NRG1: variants seen among roughly 807,000 people sequenced by gnomAD.
The protein encoded by NRG1 is pro-neuregulin-1, membrane-bound isoform.
Under a neutral mutation model 63.8 loss-of-function variants are expected in NRG1, and 18 were observed. That is an observed-to-expected ratio of 0.28 (90% CI 0.19 to 0.42). NRG1 has a LOEUF of 0.42. Ranked by LOEUF, NRG1 falls within the 10% of genes least tolerant of loss-of-function variation. The pLI, the probability that NRG1 is intolerant of heterozygous loss-of-function variation, is 1.00. For synonymous variants in NRG1, 302 were observed against 301.3 expected, an observed-to-expected ratio of 1.00 and a Z score of -0.02; for missense variants, 762 against 814.7, an observed-to-expected ratio of 0.94 and a Z score of 0.79.
chr8:32,360,828 T>A (rs1004526589), intron 1 of NRG1, among the ~76,000 whole-genome samples: 1 of 152,172 alleles, frequency 6.6e-6, no homozygotes, highest in Non-Finnish European at 1.5e-5. Flanking sequence ...ATGCTCAACC[T>A]TCCTCCAATT....
intron 2 of NRG1, among the ~76,000 whole-genome samples, chr8:32,601,453 T>C (rs919372025): frequency 6.6e-6 from 1 of 152,170 alleles, no homozygotes; most frequent in African/African-American, 2.4e-5. Context: ...ACCCTATACA[T>C]TTTTGAATGC....
At chr8:32,053,376 C>T (rs1563730058) in intron 1 of NRG1, among the ~76,000 whole-genome samples, 1 of 152,056 alleles carries the variant, frequency 6.6e-6, no homozygotes, top group Non-Finnish European at 1.5e-5. Flanking sequence ...CACTAGTAGC[C>T]ATGGATTGAG....
At chr8:32,077,273 A>C (rs1156527471) in intron 1 of NRG1, among the ~76,000 whole-genome samples, 1 of 152,206 alleles carries the variant, frequency 6.6e-6, no homozygotes, top group Non-Finnish European at 1.5e-5. Context: ...ATACTGAGGC[A>C]GGAGAATCGC....
At chr8:32,157,227 T>A (rs1026496957) in intron 1 of NRG1, among the ~76,000 whole-genome samples, 2 of 149,098 alleles carry the variant, frequency 1.3e-5, no homozygotes, top group Non-Finnish European at 1.5e-5. Context: ...AAAATTAGCG[T>A]GCTGGCATGC....
chr8:31,781,956 C>A (rs1003507656), intron 1 of NRG1, among the ~76,000 whole-genome samples: 2 of 152,140 alleles, frequency 1.3e-5, no homozygotes, highest in Non-Finnish European at 2.9e-5. Context: ...AGAGAGTGGG[C>A]ACTTCTCCCC....
intron 1 of NRG1, among the ~76,000 whole-genome samples, chr8:32,399,601 A>AG (rs1253231592): frequency 6.6e-6 from 1 of 152,192 alleles, no homozygotes; most frequent in East Asian, 1.9e-4. Context: ...GCTACTTGGG[A>AG]GGCTGAGGTA....
At chr8:31,735,871 G>A (rs1021325561) in intron 1 of NRG1, among the ~76,000 whole-genome samples, 3 of 152,190 alleles carry the variant, frequency 2.0e-5, no homozygotes, top group East Asian at 3.9e-4. Flanking sequence ...GAAATTCTCT[G>A]CATGTATCTA....
At chr8:32,204,147 T>G (rs1843778319) in intron 1 of NRG1, among the ~76,000 whole-genome samples, 1 of 152,168 alleles carries the variant, frequency 6.6e-6, no homozygotes. Context: ...TAGTTTGGTA[T>G]GGCTACAGCT....
chr8:31,921,823 G>T (rs536719874), intron 1 of NRG1, among the ~76,000 whole-genome samples: 223 of 152,270 alleles, frequency 1.5e-3, no homozygotes, highest in Non-Finnish European at 2.8e-3. Context: ...GATGTTGATA[G>T]ATCAATTTCC....
chr8:31,993,702 C>T (rs572063342), intron 1 of NRG1, among the ~76,000 whole-genome samples: 2 of 152,124 alleles, frequency 1.3e-5, no homozygotes, highest in East Asian at 3.9e-4. Context: ...TCTTTATCAG[C>T]AGCATGAGAA....
intron 1 of NRG1, among the ~76,000 whole-genome samples, chr8:32,206,526 T>A (rs1182836809): frequency 1.3e-5 from 2 of 152,236 alleles, no homozygotes; most frequent in Non-Finnish European, 2.9e-5. Context: ...TGAAGTTTTC[T>A]TATTTAATCT....
rs958820944 is a variant in NRG1 at position 32,165,374 on chromosome 8, C to T, written c.38-430454C>T. On this transcript the variant is annotated intron_variant, in intron 1 of 10. Coordinates refer to the NRG1 transcript ENST00000519301. ...TACCAGGCTGGTGTCAAACTGCTGG[C>T]CTTTAGTGATCCTCCCATTTTGCCC... Among the ~76,000 whole-genome samples the T allele has an allele frequency of 7.2e-5, 11 of 152,150 alleles. No homozygotes were observed. In the South Asian group the frequency reaches 8.3e-4, roughly 11 times the overall value.
chr8:32,762,317 A>C (rs1017819208), intron 11 of NRG1, among the ~76,000 whole-genome samples: 2 of 152,202 alleles, frequency 1.3e-5, no homozygotes, highest in Non-Finnish European at 2.9e-5. Context: ...ATTCTTCATC[A>C]CTACAAGTGA....
intron 1 of NRG1, among the ~76,000 whole-genome samples, chr8:32,335,269 C>T (rs1803123138): frequency 6.6e-6 from 1 of 152,178 alleles, no homozygotes; most frequent in Admixed American, 6.5e-5. Flanking sequence ...CTACATGGTG[C>T]ATGCGAATTT....
intron 1 of NRG1, among the ~76,000 whole-genome samples, chr8:31,860,851 C>A (rs16878368): frequency 0.12 from 18,542 of 152,150 alleles, 1,290 homozygotes; most frequent in Admixed American, 0.19. Context: ...TTCTCAAAAA[C>A]TTTCAAAACC....
chr8:32,253,438 A>G (rs1310136703), intron 1 of NRG1, among the ~76,000 whole-genome samples: 3 of 152,156 alleles, frequency 2.0e-5, no homozygotes, highest in Non-Finnish European at 4.4e-5. Context: ...TTCTGCATCT[A>G]TTGAGACAAT....
At chr8:32,310,592 G>C (rs1856705342) in intron 1 of NRG1, among the ~76,000 whole-genome samples, 1 of 152,152 alleles carries the variant, frequency 6.6e-6, no homozygotes, top group Non-Finnish European at 1.5e-5. Context: ...CTCATGTCTG[G>C]TGACTGGTTT....
At chr8:31,755,753 GTC>G (rs1474593750) in intron 1 of NRG1, among the ~76,000 whole-genome samples, 1 of 152,082 alleles carries the variant, frequency 6.6e-6, no homozygotes, top group African/African-American at 2.4e-5. Flanking sequence ...TCCCAGGGCT[GTC>G]CACTGTTATG....
intron 1 of NRG1, among the ~76,000 whole-genome samples, chr8:32,076,868 AG>A (rs1826653632): frequency 6.6e-6 from 1 of 152,230 alleles, no homozygotes; most frequent in Non-Finnish European, 1.5e-5. Flanking sequence ...GGCTTTATAA[AG>A]AACTGCACAT....
Sources: gnomAD v4.1 joint callset for allele counts (sites outside exome capture counted in the v4.1 genomes callset) on GRCh38, gnomAD v4.1.1 for gene constraint, MANE v1.5 for transcripts, NCBI Gene and HGNC (gene_info 2026-07-23, HGNC 2026-07-21) for gene names.